Variants in FAR2 observed in about 807,000 individuals in gnomAD.
FAR2 encodes the protein epididymis secretory protein Li 81.
A neutral mutation model predicts 56.0 loss-of-function variants in FAR2; 19 were observed. The ratio of observed to expected loss-of-function variants is 0.34; its 90% CI spans 0.24 to 0.50. The LOEUF (loss-of-function observed/expected upper bound fraction) is 0.50, where lower values mean the gene tolerates loss of function less well. FAR2 is among the 20% of genes least tolerant of loss of function. FAR2 has a pLI of 0.98. For synonymous variants in FAR2, 219 were observed against 218.8 expected, an observed-to-expected ratio of 1.00 and a Z score of -0.01; for missense variants, 508 against 642.2, an observed-to-expected ratio of 0.79 and a Z score of 2.26.
chr12:29,210,024 T>C (rs527246071), intron 1 of FAR2, among the ~76,000 whole-genome samples: 1 of 152,032 alleles, frequency 6.6e-6, no homozygotes, highest in South Asian at 2.1e-4. Context: ...CTGGGCAATA[T>C]AAGGAGACCT....
intron 1 of FAR2, among the ~76,000 whole-genome samples, chr12:29,173,730 G>A (rs908293555): frequency 9.9e-5 from 15 of 152,134 alleles, no homozygotes; most frequent in South Asian, 6.2e-4. Context: ...AAAACCGTCC[G>A]CAGTTTTGGT....
At chr12:29,332,751 AT>A (rs758527502) in intron 11 of FAR2, 24 bp downstream of exon 11, 1 of 1,602,932 alleles carries the variant, frequency 6.2e-7, no homozygotes, top group South Asian at 1.1e-5. Flanking sequence ...GTCAGTTAAT[AT>A]TTATTGAGCA....
chr12:29,321,065 A>G (rs371021872), intron 9 of FAR2, among the ~76,000 whole-genome samples: 3 of 151,970 alleles, frequency 2.0e-5, no homozygotes, highest in East Asian at 1.9e-4. Context: ...TGTGCCTAAC[A>G]CAGAATAGGT....
At chr12:29,176,396 A>T (rs1949938146) in intron 1 of FAR2, among the ~76,000 whole-genome samples, 1 of 152,242 alleles carries the variant, frequency 6.6e-6, no homozygotes, top group Non-Finnish European at 1.5e-5. Context: ...GAATGAGAAC[A>T]GTGAAAGCAG....
Position 29,297,161 on chromosome 12 carries a change from C to T in FAR2, c.506C>T (p.Pro169Leu), listed in dbSNP as rs1211073289. The T allele has an allele frequency of 6.2e-6, 10 of 1,613,496 alleles. No individual in the cohort carries two copies. The highest frequency in any genetic ancestry group is 1.7e-4 in the Middle Eastern group (1 of 6,026). The change falls in exon 4 of 12, where the codon CCG becomes CTG. Residue 169 changes from proline to leucine, a missense_variant. Physicochemically the swap from Pro to Leu is moderately conservative, Grantham distance 98. Transcript: ENST00000536681. ...AAGCACATCGATGAAGTTATCTATC[C>T]GTGCCCTGTGGAGCCAAAAAAAATC... ...NLKHIDEVIYPCPVEPKKIID... is the reference protein window; with the variant it reads ...NLKHIDEVIYLCPVEPKKIID...
At chr12:29,313,279 T>C (rs1219680559) in intron 8 of FAR2, among the ~76,000 whole-genome samples, 2 of 152,264 alleles carry the variant, frequency 1.3e-5, no homozygotes, top group African/African-American at 4.8e-5. Context: ...TGCATAACTT[T>C]TGGTTATGCA....
intron 1 of FAR2, among the ~76,000 whole-genome samples, chr12:29,242,619 C>T (rs1399261741): frequency 2.0e-5 from 3 of 152,306 alleles, no homozygotes; most frequent in Non-Finnish European, 4.4e-5. Flanking sequence ...TCCTCAGTAT[C>T]GCCTTAAACT....
chr12:29,324,588 C>T (rs1361351496), intron 10 of FAR2, among the ~76,000 whole-genome samples: 4 of 152,066 alleles, frequency 2.6e-5, no homozygotes, highest in East Asian at 1.9e-4. Context: ...GAGTGGGGGC[C>T]GACATTCAAC....
chr12:29,324,728 C>A (rs1256674659), intron 10 of FAR2, among the ~76,000 whole-genome samples: 1 of 152,110 alleles, frequency 6.6e-6, no homozygotes, highest in Non-Finnish European at 1.5e-5. Context: ...CAGGCCTGCC[C>A]TAAAAGAGCT....
At chr12:29,212,123 T>G (rs1947557225) in intron 1 of FAR2, among the ~76,000 whole-genome samples, 1 of 151,974 alleles carries the variant, frequency 6.6e-6, no homozygotes, top group Non-Finnish European at 1.5e-5. Flanking sequence ...AAATATTTTA[T>G]CCTATTTTTT....
At chr12:29,169,217 C>A (rs1949862488) in intron 1 of FAR2, among the ~76,000 whole-genome samples, 1 of 152,188 alleles carries the variant, frequency 6.6e-6, no homozygotes, top group African/African-American at 2.4e-5. Flanking sequence ...TGGGCAATGA[C>A]CACTGTAGCT....
chr12:29,259,828 C>T (rs965822871), intron 1 of FAR2, among the ~76,000 whole-genome samples: 4 of 152,204 alleles, frequency 2.6e-5, no homozygotes, highest in Middle Eastern at 3.4e-3. Context: ...TTCAGCCATC[C>T]GATACCATAC....
intron 1 of FAR2, among the ~76,000 whole-genome samples, chr12:29,219,585 G>GAT (rs2136637612): frequency 6.6e-6 from 1 of 151,688 alleles, no homozygotes; most frequent in South Asian, 2.1e-4. Context: ...AAAACCTTCT[G>GAT]ATAATAATTT....
At chr12:29,242,059 C>G (rs1169352656) in intron 1 of FAR2, among the ~76,000 whole-genome samples, 1 of 152,182 alleles carries the variant, frequency 6.6e-6, no homozygotes, top group Admixed American at 6.5e-5. Context: ...CAAATGTTTG[C>G]AAACATCCGT....
chr12:29,221,367 T>C (rs576795896), intron 1 of FAR2, among the ~76,000 whole-genome samples: 1 of 152,122 alleles, frequency 6.6e-6, no homozygotes, highest in Non-Finnish European at 1.5e-5. Flanking sequence ...CGGGGAGCCT[T>C]TTCCCACCCT....
chr12:29,176,132 A>C (rs183165624), intron 1 of FAR2, among the ~76,000 whole-genome samples: 1 of 152,376 alleles, frequency 6.6e-6, no homozygotes, highest in Admixed American at 6.5e-5. Flanking sequence ...TTTTAAGATC[A>C]TCATTATCAT....
At chr12:29,295,810 G>A (rs1591940334) in intron 3 of FAR2, among the ~76,000 whole-genome samples, 1 of 129,402 alleles carries the variant, frequency 7.7e-6, no homozygotes, top group African/African-American at 3.0e-5. Flanking sequence ...CGCCCAGGCC[G>A]GACTGCGGAC....
In FAR2 at chr12:29,316,827, T is replaced by G; in HGVS notation, c.956-14T>G. On this transcript the variant is annotated splice_polypyrimidine_tract_variant and intron_variant, in intron 8 of 11. Transcript: ENST00000536681. ...TCCTTTTCTCCTCTAGCACTTACTT[T>G]CTTTTTTCCCCAGGAGTCCAAGTCT... 1.2e-6 allele frequency: 2 copies of G among 1,613,662 alleles called. No homozygotes were observed. The highest frequency in any genetic ancestry group is 1.7e-6 in the Non-Finnish European group (2 of 1,179,742).
chr12:29,198,486 C>G (rs1332611100), intron 1 of FAR2, among the ~76,000 whole-genome samples: 2 of 152,190 alleles, frequency 1.3e-5, no homozygotes, highest in Non-Finnish European at 2.9e-5. Flanking sequence ...CTCGGCCTCC[C>G]AAAGTGCTGG....
Sources: allele counts gnomAD v4.1 joint callset (sites outside exome capture counted in the v4.1 genomes callset), GRCh38; gene constraint gnomAD v4.1.1; transcripts MANE v1.5; gene names NCBI Gene and HGNC (gene_info 2026-07-23, HGNC 2026-07-21).